MCF2L: variants seen among roughly 807,000 people sequenced by gnomAD.
MCF2L encodes the protein guanine nucleotide exchange factor DBS.
A neutral mutation model predicts 153.4 loss-of-function variants in MCF2L; 97 were observed. The observed-to-expected ratio is 0.63, with a 90% CI of 0.54 to 0.75. The LOEUF (loss-of-function observed/expected upper bound fraction) is 0.75. MCF2L is among the 30% of genes least tolerant of loss of function. The probability of loss-of-function intolerance (pLI) is 0.00; values close to 1 mark genes in which losing one functional copy is unlikely to be tolerated. For synonymous variants in MCF2L, 659 were observed against 632.2 expected (o/e 1.04, Z -0.64); for missense variants, 1,347 against 1,495.2 (o/e 0.90, Z 1.64).
chr13:112,900,184 C>T (rs1254100610), intron 1 of MCF2L, among the ~76,000 whole-genome samples: 1 of 152,160 alleles, frequency 6.6e-6, no homozygotes, highest in Non-Finnish European at 1.5e-5. Flanking sequence ...TTTTTTTAAC[C>T]AGGGACATTT....
At chr13:112,917,848 T>A (rs139288614) in intron 2 of MCF2L, among the ~76,000 whole-genome samples, 1 of 152,206 alleles carries the variant, frequency 6.6e-6, no homozygotes, top group African/African-American at 2.4e-5. Context: ...AAAGCTGGCT[T>A]CTAGACCCTC....
intron 3 of MCF2L, among the ~76,000 whole-genome samples, chr13:113,033,318 CTGTGG>C (rs1566773208): frequency 3.4e-4 from 41 of 119,206 alleles, no homozygotes; most frequent in East Asian, 2.5e-3. Context: ...TGAGTGGCCC[CTGTGG>C]CGTGAGTGGC....
intron 8 of MCF2L, among the ~76,000 whole-genome samples, chr13:113,067,156 G>T (rs1489985357): frequency 3.9e-5 from 6 of 152,286 alleles, no homozygotes; most frequent in African/African-American, 1.4e-4. Context: ...CACACGCCTG[G>T]CAGGGTGGGC....
At chr13:113,010,752 G>C (rs2084040587) in intron 1 of MCF2L, among the ~76,000 whole-genome samples, 1 of 152,080 alleles carries the variant, frequency 6.6e-6, no homozygotes, top group Admixed American at 6.5e-5. Context: ...CTGGGGAGTT[G>C]GTTGGAGCAG....
At chr13:113,060,986 G>A (rs1448705340) in intron 5 of MCF2L, among the ~76,000 whole-genome samples, 2 of 149,110 alleles carry the variant, frequency 1.3e-5, no homozygotes, top group South Asian at 2.2e-4. Context: ...ATCAGGACGC[G>A]GGTCACGCGA....
chr13:113,027,121 G>A lies in MCF2L; in HGVS notation c.278+2363G>A. ...TAAGGTGGCAAAACACAGAGGAGAT[G>A]TTTAACCATCAGCGTGAAAGTGCAG... On this transcript the variant is annotated intron_variant, in intron 3 of 29. Transcript: ENST00000535094. The surrounding 1 kb of genome is among the most constrained non-coding windows in gnomAD (Gnocchi z 4.8). 3 of 715,074 alleles carry A rather than the reference G, an allele frequency of 4.2e-6. No homozygotes were observed. The highest frequency in any genetic ancestry group is 2.3e-4 in the Middle Eastern group (1 of 4,368). The allele number at this position is 715,074 out of a possible 1,614,324, so 44.3% of individuals were successfully genotyped here.
chr13:113,045,059 A>C lies in MCF2L; in HGVS notation c.279-212A>C. ...TAGGCTGAGAAATAAGAACACACCAAAAGTGCCTGCCCTTCCGTAGATGAG... is the reference window on the plus strand; with the variant it reads ...TAGGCTGAGAAATAAGAACACACCACAAGTGCCTGCCCTTCCGTAGATGAG... On this transcript the variant is annotated intron_variant, in intron 3 of 29. Transcript: ENST00000535094. This position sits in a 1 kb window ranked among gnomAD's most constrained non-coding sequence, Gnocchi z 4.2. The C allele has an allele frequency of 9.5e-7, 1 of 1,049,804 alleles. No homozygotes were observed. Among genetic ancestry groups the C allele is most frequent in the East Asian group, 2.6e-5 (1 of 38,374 alleles). 65.0% of individuals were successfully genotyped at this position (1,049,804 alleles called of 1,614,324 possible). A position where few individuals can be genotyped will look rare whatever the true frequency, so the allele number is the denominator to read the frequency against.
chr13:112,904,863 G>A lies in MCF2L; in HGVS notation c.169+2492G>A, dbSNP rs1443460803. Among the ~76,000 whole-genome samples the A allele has an allele frequency of 1.3e-5, 2 of 152,214 alleles. No homozygotes were observed. Among genetic ancestry groups the A allele is most frequent in the African/African-American group, 4.8e-5 (2 of 41,454 alleles). On this transcript the variant is annotated intron_variant, in intron 2 of 29. Coordinates refer to the MCF2L transcript ENST00000375608. This position sits in a 1 kb window ranked among gnomAD's most constrained non-coding sequence, Gnocchi z 4.2. Reference sequence around the variant, plus strand: ...GCCCAGCTGGCTGGAGACAGTTGGTGGTGATGAAACCTGTTTGTATCAGAA... The same window carrying A: ...GCCCAGCTGGCTGGAGACAGTTGGTAGTGATGAAACCTGTTTGTATCAGAA...
intron 1 of MCF2L, among the ~76,000 whole-genome samples, chr13:113,007,001 C>G (rs143084671): frequency 6.6e-6 from 1 of 152,290 alleles, no homozygotes; most frequent in Non-Finnish European, 1.5e-5. Flanking sequence ...TCTCTGAACT[C>G]TGGAAGGAAC....
chr13:112,977,698 G>C (rs1425407701), intron 1 of MCF2L, among the ~76,000 whole-genome samples: 1 of 152,222 alleles, frequency 6.6e-6, no homozygotes, highest in Non-Finnish European at 1.5e-5. Context: ...GGCAGAGAGA[G>C]AGGTTTGGTG....
chr13:113,060,656 A>G lies in MCF2L; in HGVS notation c.433A>G (p.Thr145Ala), dbSNP rs1487236173. The change falls in exon 5 of 30, where the codon ACT becomes GCT. Residue 145 changes from threonine to alanine, a missense_variant. By Grantham distance (58) the Thr-to-Ala change is moderately conservative (BLOSUM62 0). Around this residue, in one of 3 missense-constraint regions of MCF2L, gnomAD observed 820 missense variants for 921.2 expected, o/e 0.89. Coordinates refer to ENST00000535094, the MANE Select transcript of MCF2L (RefSeq NM_001112732.3). ...TCGCCCGACGGGTTTTTTCCAAAGGACTCTCTCCGACATCGCTTTCAAATT... is the reference window on the plus strand; with the variant it reads ...TCGCCCGACGGGTTTTTTCCAAAGGGCTCTCTCCGACATCGCTTTCAAATT... Reference protein sequence around the residue: ...VLRPTGFFQRTLSDIAFKFNR... With the variant: ...VLRPTGFFQRALSDIAFKFNR... 1.9e-6 allele frequency: 3 copies of G among 1,613,098 alleles called. No homozygotes were observed. The highest frequency in any genetic ancestry group is 2.5e-6 in the Non-Finnish European group (3 of 1,179,882).
At chr13:113,051,160 C>T (rs539594294) in intron 4 of MCF2L, among the ~76,000 whole-genome samples, 1 of 152,324 alleles carries the variant, frequency 6.6e-6, no homozygotes, top group South Asian at 2.1e-4. Flanking sequence ...CAGGCTGTCT[C>T]CTCCGCACCA....
Position 113,031,150 on chromosome 13 carries a change from GAGAC to G in MCF2L, c.278+6396_278+6399del, listed in dbSNP as rs1050138465. On this transcript the variant is annotated intron_variant, in intron 3 of 29. Transcript: ENST00000535094. This position sits in a 1 kb window ranked among gnomAD's most constrained non-coding sequence, Gnocchi z 5.5. The stretch of plus-strand genomic sequence containing the variant: ...ACAGAGAGACAGACAGAGACAGAGA[GAGAC>G]AGAGAGAAGAGACAGAGAGTGACAG... Among the ~76,000 whole-genome samples the G allele has an allele frequency of 6.7e-5, 10 of 150,280 alleles. No individual in the cohort carries two copies. The highest frequency in any genetic ancestry group is 1.5e-4 in the African/African-American group (6 of 40,594).
intron 2 of MCF2L, among the ~76,000 whole-genome samples, chr13:112,959,044 G>A (rs1408036688): frequency 6.6e-6 from 1 of 152,228 alleles, no homozygotes; most frequent in African/African-American, 2.4e-5. Context: ...CACAGAATGA[G>A]CGTCGCATCC....
At position 113,033,234 on chromosome 13, in the gene MCF2L, C is replaced by T. The variant is rs1401731425; in HGVS notation, c.278+8476C>T. On this transcript the variant is annotated intron_variant, in intron 3 of 29. Transcript: ENST00000535094. ...CCCGTGACATGAGTGGCCCCCGTGA[C>T]GTGAGTGGCCCCCGTGACATTAGTG... Among the ~76,000 whole-genome samples the T allele has an allele frequency of 4.0e-3, 547 of 136,300 alleles. 17 individuals are homozygous for T. Among genetic ancestry groups the T allele is most frequent in the African/African-American group, 8.4e-3 (290 of 34,516 alleles). 89.4% of individuals were successfully genotyped at this position (136,300 alleles called of 152,430 possible). A position where few individuals can be genotyped will look rare whatever the true frequency, so the allele number is the denominator to read the frequency against.
At chr13:113,071,097 G>A (rs745630174) in intron 9 of MCF2L, among the ~76,000 whole-genome samples, 1 of 152,180 alleles carries the variant, frequency 6.6e-6, no homozygotes, top group African/African-American at 2.4e-5. Flanking sequence ...ATCCTGATGT[G>A]TGTGCCATCT....
At chr13:112,956,828 A>G (rs2081763647) in intron 2 of MCF2L, 1 of 152,290 alleles carries the variant, frequency 6.6e-6, no homozygotes. Flanking sequence ...ACCGGGACAC[A>G]CGATGAGGTT....
In MCF2L at chr13:112,974,954, G is replaced by A. The variant is rs7982326; in HGVS notation, c.79+5496G>A. 2.1e-3 allele frequency among the ~76,000 whole-genome samples: 325 copies of A among 152,308 alleles called. 1 individual carries two copies. The highest frequency in any genetic ancestry group is 7.7e-3 in the African/African-American group (321 of 41,572). ...GTGTTTCGTTTCCTCCGCCGCCTAC[G>A]ACGTGCAGGCAGCACTCTCAACATA... is the stretch of plus-strand genomic sequence containing the variant. On this transcript the variant is annotated intron_variant, in intron 1 of 29. Transcript: ENST00000535094.
chr13:113,083,727 C>T (rs2034371462), intron 17 of MCF2L, among the ~76,000 whole-genome samples: 1 of 152,192 alleles, frequency 6.6e-6, no homozygotes, highest in Non-Finnish European at 1.5e-5. Context: ...GCCCTGTGAG[C>T]CGTGTGTGTG....
Sources: allele counts gnomAD v4.1 joint callset (sites outside exome capture counted in the v4.1 genomes callset), GRCh38; gene constraint gnomAD v4.1.1; regional missense constraint gnomAD v4.1.1; non-coding constraint Gnocchi (gnomAD v3.1); transcripts MANE v1.5; gene names NCBI Gene and HGNC (gene_info 2026-07-23, HGNC 2026-07-21).